CSMD1: variants seen among roughly 807,000 people sequenced by gnomAD.
CSMD1 encodes the protein CUB and sushi domain-containing protein 1.
CSMD1 carries 213 observed loss-of-function variants against 417.5 expected under a neutral mutation model. The observed-to-expected ratio is 0.51, with a 90% confidence interval of 0.46 to 0.57. The LOEUF (loss-of-function observed/expected upper bound fraction) is 0.57. Ranked by LOEUF, CSMD1 falls within the 20% of genes least tolerant of loss-of-function variation. The pLI, the probability that CSMD1 is intolerant of heterozygous loss-of-function variation, is 0.00. For synonymous variants in CSMD1, 2,862 were observed against 1,736.8 expected, an observed-to-expected ratio of 1.65 and a Z score of -16.11; for missense variants, 6,923 against 4,529.7, an observed-to-expected ratio of 1.53 and a Z score of -15.17.
At chr8:3,586,318 G>GAA (rs34200940) in intron 8 of CSMD1, 58 bp from the exon 9 acceptor site, 4,714 of 1,209,100 alleles carry the variant, frequency 3.9e-3, no homozygotes, top group African/African-American at 9.3e-3. Context: ...ACTTCTTTAG[G>GAA]AAAAAAAAAA....
At chr8:4,156,114 T>C (rs1796820091) in intron 3 of CSMD1, among the ~76,000 whole-genome samples, 2 of 152,116 alleles carry the variant, frequency 1.3e-5, no homozygotes, top group South Asian at 4.1e-4. Context: ...AATCATCCGA[T>C]CCTGACATTA....
intron 2 of CSMD1, among the ~76,000 whole-genome samples, chr8:4,628,978 T>C (rs1325109230): frequency 6.6e-6 from 1 of 152,204 alleles, no homozygotes; most frequent in African/African-American, 2.4e-5. Flanking sequence ...GTGAGAGATC[T>C]TCTCAGATCC....
At chr8:4,709,252 G>C (rs1326135468) in intron 1 of CSMD1, among the ~76,000 whole-genome samples, 1 of 152,166 alleles carries the variant, frequency 6.6e-6, no homozygotes. Flanking sequence ...CTGGTGTGGG[G>C]AGTAGAGTTA....
At chr8:3,322,215 GCA>G (rs1383026184) in intron 23 of CSMD1, among the ~76,000 whole-genome samples, 2 of 152,134 alleles carry the variant, frequency 1.3e-5, no homozygotes, top group African/African-American at 4.8e-5. Context: ...ATGAATAACA[GCA>G]CAGATTTCCA....
chr8:3,217,754 T>C (rs1228903206), intron 29 of CSMD1, among the ~76,000 whole-genome samples: 1 of 152,178 alleles, frequency 6.6e-6, no homozygotes, highest in Admixed American at 6.5e-5. Context: ...CCCCTAAGTG[T>C]GCAGATTCTG....
At chr8:4,353,908 G>A (rs939822060) in intron 3 of CSMD1, among the ~76,000 whole-genome samples, 1 of 152,138 alleles carries the variant, frequency 6.6e-6, no homozygotes, top group Non-Finnish European at 1.5e-5. Flanking sequence ...TCAGCAAGCT[G>A]TTTTTACACA....
intron 10 of CSMD1, among the ~76,000 whole-genome samples, chr8:3,564,339 C>T (rs553031239): frequency 1.4e-5 from 2 of 145,656 alleles, no homozygotes; most frequent in East Asian, 2.0e-4. Context: ...AATGTTTTGT[C>T]GTCCTCAGTG....
intron 10 of CSMD1, among the ~76,000 whole-genome samples, chr8:3,523,686 G>C (rs991444997): frequency 8.7e-5 from 13 of 149,690 alleles, no homozygotes; most frequent in Non-Finnish European, 1.2e-4. Context: ...TACACCCAGA[G>C]AGACATATGC....
At chr8:3,424,914 G>T (rs1195055789) in intron 12 of CSMD1, among the ~76,000 whole-genome samples, 1 of 152,160 alleles carries the variant, frequency 6.6e-6, no homozygotes, top group Non-Finnish European at 1.5e-5. Context: ...GACTCACTAT[G>T]ATCTCAGGCT....
At chr8:4,328,175 A>G (rs185872384) in intron 3 of CSMD1, among the ~76,000 whole-genome samples, 5 of 152,214 alleles carry the variant, frequency 3.3e-5, no homozygotes, top group East Asian at 1.9e-4. Flanking sequence ...AGGTCACATT[A>G]TAAGACAGTA....
At chr8:3,501,712 G>A (rs891525858) in intron 10 of CSMD1, among the ~76,000 whole-genome samples, 1 of 152,064 alleles carries the variant, frequency 6.6e-6, no homozygotes, top group Non-Finnish European at 1.5e-5. Flanking sequence ...ATGATAACAA[G>A]TTTATGTCTG....
chr8:3,934,420 T>C (rs962328776), intron 5 of CSMD1, among the ~76,000 whole-genome samples: 2 of 152,170 alleles, frequency 1.3e-5, no homozygotes, highest in Non-Finnish European at 2.9e-5. Flanking sequence ...TGAACACCGG[T>C]AGTAATTGTT....
chr8:3,706,859 A>C (rs11986736), intron 7 of CSMD1, among the ~76,000 whole-genome samples: 82,073 of 151,880 alleles, frequency 0.54, 22,320 homozygotes, highest in Admixed American at 0.6. Flanking sequence ...ATTTTTAAAA[A>C]ACCCTTTATT....
chr8:4,724,957 C>G (rs139325152), intron 1 of CSMD1, among the ~76,000 whole-genome samples: 2 of 151,846 alleles, frequency 1.3e-5, no homozygotes, highest in African/African-American at 4.8e-5. Context: ...ATAAATGATT[C>G]GAGTTTAAAA....
chr8:3,127,815 C>T (rs1378340380), intron 41 of CSMD1: 1 of 142,094 alleles, frequency 7.0e-6, no homozygotes, highest in Admixed American at 7.4e-5. Flanking sequence ...TGCTTTATAA[C>T]ACAGAAAAGA....
chr8:3,612,799 G>C (rs556033760), intron 8 of CSMD1, among the ~76,000 whole-genome samples: 71 of 152,116 alleles, frequency 4.7e-4, no homozygotes, highest in African/African-American at 1.7e-3. Flanking sequence ...AAAATTGATA[G>C]CAGTAAATAC....
chr8:3,281,583 A>C (rs11993053), intron 26 of CSMD1, among the ~76,000 whole-genome samples: 2 of 151,990 alleles, frequency 1.3e-5, no homozygotes, highest in Non-Finnish European at 2.9e-5. Flanking sequence ...ACAACATGAA[A>C]GGCCACACAC....
At chr8:3,706,384 G>C (rs950588118) in intron 7 of CSMD1, among the ~76,000 whole-genome samples, 4 of 152,178 alleles carry the variant, frequency 2.6e-5, no homozygotes, top group African/African-American at 9.7e-5. Context: ...CATTTTCTCT[G>C]TCATACCTTT....
chr8:4,273,571 T>A (rs879749278), intron 3 of CSMD1, among the ~76,000 whole-genome samples: 1 of 152,214 alleles, frequency 6.6e-6, no homozygotes, highest in Non-Finnish European at 1.5e-5. Flanking sequence ...TATTTTAATA[T>A]AAATATTTAT....
Sources: allele counts gnomAD v4.1 joint callset (sites outside exome capture counted in the v4.1 genomes callset), GRCh38; gene constraint gnomAD v4.1.1; transcripts MANE v1.5; gene names NCBI Gene and HGNC (gene_info 2026-07-23, HGNC 2026-07-21).